Variants in PIGR observed in about 807,000 individuals in gnomAD.
The protein encoded by PIGR is polymeric immunoglobulin receptor, also known as hepatocellular carcinoma associated protein TB6.
PIGR carries 22 observed loss-of-function variants against 69.5 expected under a neutral mutation model. That is an observed-to-expected ratio of 0.32 (90% CI 0.23 to 0.45). The LOEUF (loss-of-function observed/expected upper bound fraction) is 0.45, where lower values mean the gene tolerates loss of function less well. Among genes scored for constraint, PIGR ranks in the 20% least tolerant of loss-of-function variants. The pLI, the probability that PIGR is intolerant of heterozygous loss-of-function variation, is 1.00. For missense variants in PIGR, 885 were observed against 974.0 expected (o/e 0.91, Z 1.22); for synonymous variants, 413 against 407.6 (o/e 1.01, Z -0.16).
At chr1:206,945,546 G>A (rs372633116) in intron 1 of PIGR, among the ~76,000 whole-genome samples, 12 of 152,306 alleles carry the variant, frequency 7.9e-5, no homozygotes, top group Admixed American at 2.6e-4. Context: ...CAGTGATCCC[G>A]TGAGGACCTC....
At chr1:206,932,340 T>C (rs1288280371) in intron 8 of PIGR, 116 bp downstream of exon 8, 1 of 1,226,496 alleles carries the variant, frequency 8.2e-7, no homozygotes, top group Non-Finnish European at 1.1e-6. Flanking sequence ...TTTCTCGGGA[T>C]CCTTTGTTTT....
chr1:206,940,433 G>GGAGTC, intron 2 of PIGR, 56 bp downstream of exon 2: 1 of 1,512,862 alleles, frequency 6.6e-7, no homozygotes, highest in South Asian at 1.2e-5. Flanking sequence ...GGTGAACCCT[G>GGAGTC]GAGTCGGGCA....
rs570872308 is a variant in PIGR at position 206,931,312 on chromosome 1, C to T, written c.2199+185G>A. The T allele has an allele frequency of 2.0e-5, 30 of 1,470,132 alleles. No homozygotes were observed. The African/African-American group carries it at 3.5e-4, about 17-fold the overall frequency. 91.1% of individuals were successfully genotyped at this position (1,470,132 alleles called of 1,614,324 possible). A position where few individuals can be genotyped will look rare whatever the true frequency, so the allele number is the denominator to read the frequency against. ...CCTTCCTGGGCCTTATCCACATCAG[C>T]ATCCCACAACCAGTAAGATATAGTT... On this transcript the variant is annotated intron_variant, in intron 10 of 10. Coordinates refer to ENST00000356495, the MANE Select transcript of PIGR (RefSeq NM_002644.4).
chr1:206,940,470 T>C lies in PIGR; in HGVS notation c.43+19A>G. 1 of 1,551,050 alleles carries C rather than the reference T, an allele frequency of 6.4e-7. No individual in the cohort carries two copies. The highest frequency in any genetic ancestry group is 8.7e-7 in the Non-Finnish European group (1 of 1,146,704). Reference sequence around the variant, plus strand: ...GCTGAAGGGGTGGAGCTTGGAGAGTTGGGGCCTGGCAGACACACCTGGGAA... The same window carrying C: ...GCTGAAGGGGTGGAGCTTGGAGAGTCGGGGCCTGGCAGACACACCTGGGAA... On this transcript the variant is annotated intron_variant, in intron 2 of 10. Transcript: ENST00000356495.
chr1:206,933,495 C>T (rs137931396), intron 6 of PIGR, among the ~76,000 whole-genome samples: 307 of 152,288 alleles, frequency 2.0e-3, no homozygotes, highest in African/African-American at 6.9e-3. Flanking sequence ...TCCTGACTGC[C>T]CAGCTGGGTA....
Position 206,937,534 on chromosome 1 carries a change from C to T in PIGR, c.606G>A (p.Leu202=). ...RLDIQGTGQL[L]FSVVINQLRL... is the part of the protein sequence containing the mutation. ...TGAGTTGGTTGATGACAACGCTGAACAGTAACTGGCCAGTACCCTGAATAT... is the reference window on the plus strand; with the variant it reads ...TGAGTTGGTTGATGACAACGCTGAATAGTAACTGGCCAGTACCCTGAATAT... Residue 202 remains leucine, a synonymous_variant, in exon 4 of 11, where the codon CTG becomes CTA. Coordinates refer to ENST00000356495, the MANE Select transcript of PIGR (RefSeq NM_002644.4). 1.2e-6 allele frequency: 2 copies of T among 1,614,210 alleles called. No individual in the cohort carries two copies. Among genetic ancestry groups the T allele is most frequent in the Non-Finnish European group, 1.7e-6 (2 of 1,180,032 alleles).
At position 206,930,047 on chromosome 1, in the gene PIGR, T is replaced by G. The variant is rs892548914; in HGVS notation, c.*271A>C. The G allele has an allele frequency of 2.8e-6, 1 of 363,176 alleles. No homozygotes were observed. The highest frequency in any genetic ancestry group is 2.1e-5 in the African/African-American group (1 of 47,872). 22.5% of individuals were successfully genotyped at this position (363,176 alleles called of 1,614,324 possible). A position where few individuals can be genotyped will look rare whatever the true frequency, so the allele number is the denominator to read the frequency against. On this transcript the variant is annotated 3_prime_UTR_variant, in exon 11 of 11. Coordinates refer to ENST00000356495, the MANE Select transcript of PIGR (RefSeq NM_002644.4). This position sits in a 1 kb window ranked among gnomAD's most constrained non-coding sequence, Gnocchi z 4.3. ...GGTCCCTCTTCCTTCAAGGGACCCA[T>G]GAGGACCTCTATTCTTCTCCGTACC... is the stretch of plus-strand genomic sequence containing the variant.
At chr1:206,931,582 C>G in intron 9 of PIGR, 27 bp from the exon 10 acceptor site, 1 of 1,613,416 alleles carries the variant, frequency 6.2e-7, no homozygotes, top group Non-Finnish European at 8.5e-7. Context: ...GGTAGGTTAG[C>G]CCTTACTAGC....
Position 206,944,161 on chromosome 1 carries a change from G to A in PIGR, c.-54+2175C>T, listed in dbSNP as rs6656647. Among the ~76,000 whole-genome samples the A allele has an allele frequency of 4.5e-3, 688 of 152,282 alleles. 6 individuals are homozygous for A. The highest frequency in any genetic ancestry group is 0.015 in the African/African-American group (627 of 41,554). On this transcript the variant is annotated intron_variant, in intron 1 of 10. Transcript: ENST00000356495. ...CAGTTCTTTCCTCTCTGCCTTTCAC[G>A]GAAAAGGCAGTTCTTATAAGGAGAC...
chr1:206,932,429 G>A, intron 8 of PIGR, 27 bp downstream of exon 8: 1 of 1,593,792 alleles, frequency 6.3e-7, no homozygotes, highest in Non-Finnish European at 8.5e-7. Flanking sequence ...TTGGAGGTGG[G>A]AGGCAGGGAG....
Position 206,937,288 on chromosome 1 carries a change from G to T in PIGR, c.852C>A (p.Asn284Lys). ...AGGCTGGGGCCCTCTTCCCCAGGGTGTTGACGACCACGTCACAGTTTTCCC... is the reference window on the plus strand; with the variant it reads ...AGGCTGGGGCCCTCTTCCCCAGGGTTTTGACGACCACGTCACAGTTTTCCC... Reference protein sequence around the residue: ...SSGENCDVVVNTLGKRAPAFE... With the variant: ...SSGENCDVVVKTLGKRAPAFE... Residue 284 changes from asparagine to lysine, a missense_variant, in exon 4 of 11, where the codon AAC (asparagine) becomes AAA (lysine). Coordinates refer to ENST00000356495, the MANE Select transcript of PIGR (RefSeq NM_002644.4). 6.2e-7 allele frequency: 1 copy of T among 1,613,500 alleles called. No homozygotes were observed. Among genetic ancestry groups the T allele is most frequent in the African/African-American group, 1.3e-5 (1 of 75,026 alleles).
rs138859150 is a variant in PIGR at position 206,942,591 on chromosome 1, G to A, written c.-53-2007C>T. ...GATAAGCAAGCTGCCTCATATTTGC[G>A]TGAGACAGGAGTGGTCTTCCCACAA... is the stretch of plus-strand genomic sequence containing the variant. On this transcript the variant is annotated intron_variant, in intron 1 of 10. Transcript: ENST00000356495. 1.4e-4 allele frequency among the ~76,000 whole-genome samples: 22 copies of A among 152,296 alleles called. No individual in the cohort carries two copies. The East Asian group carries it at 2.1e-3, about 15-fold the overall frequency.
rs574544005 is a variant in PIGR at position 206,930,698 on chromosome 1, A to T, written c.2200-285T>A. 1.0e-6 allele frequency: 1 copy of T among 985,424 alleles called. No homozygotes were observed. The highest frequency in any genetic ancestry group is 1.2e-6 in the Non-Finnish European group (1 of 829,934). The allele number at this position is 985,424 out of a possible 1,614,324, so 61.0% of individuals were successfully genotyped here. A position where few individuals can be genotyped will look rare whatever the true frequency, so the allele number is the denominator to read the frequency against. ...CCGGGCCTGTCCCCGGAAGCTGCCC[A>T]CACAGTCCACGGGCAAGGTGGCCTA... On this transcript the variant is annotated intron_variant, in intron 10 of 10. Transcript: ENST00000356495. This position sits in a 1 kb window ranked among gnomAD's most constrained non-coding sequence, Gnocchi z 4.3.
At chr1:206,940,402 T>C in intron 2 of PIGR, 87 bp downstream of exon 2, 1 of 1,280,644 alleles carries the variant, frequency 7.8e-7, no homozygotes. Flanking sequence ...GGGATGAGTC[T>C]GATTTTAGTG....
intron 1 of PIGR, among the ~76,000 whole-genome samples, chr1:206,943,676 G>C (rs1233128535): frequency 1.3e-5 from 2 of 152,114 alleles, no homozygotes; most frequent in African/African-American, 4.8e-5. Flanking sequence ...CTAATCTCAG[G>C]TTTCCCTCTT....
intron 3 of PIGR, among the ~76,000 whole-genome samples, chr1:206,938,516 G>A (rs1034762394): frequency 2.0e-5 from 3 of 152,134 alleles, no homozygotes; most frequent in African/African-American, 7.2e-5. Context: ...ATCTAAAACA[G>A]CCTCATTGTT....
rs114239563 is a variant in PIGR, at chr1:206,935,401, G to A, written c.1378+85C>T. 7.8e-3 allele frequency: 9,181 copies of A among 1,173,784 alleles called. 49 individuals are homozygous for A. Among genetic ancestry groups the A allele is most frequent in the Non-Finnish European group, 9.4e-3 (7,652 of 811,422 alleles). The allele number at this position is 1,173,784 out of a possible 1,614,324, so 72.7% of individuals were successfully genotyped here. A position where few individuals can be genotyped will look rare whatever the true frequency, so the allele number is the denominator to read the frequency against. ...AGGTCTGGCCCATCAGGGTGGAGGC[G>A]GGTGAAAAAGGAGGAAGAGTGGTTG... On this transcript the variant is annotated intron_variant, in intron 5 of 10. Coordinates refer to ENST00000356495, the MANE Select transcript of PIGR (RefSeq NM_002644.4). The surrounding 1 kb of genome is among the most constrained non-coding windows in gnomAD (Gnocchi z 4.4).
At position 206,933,160 on chromosome 1, in the gene PIGR, C is replaced by T. The variant is rs752218903; in HGVS notation, c.1712G>A (p.Arg571His). 7.4e-6 allele frequency: 12 copies of T among 1,613,934 alleles called. No individual in the cohort carries two copies. The highest frequency in any genetic ancestry group is 6.7e-5 in the East Asian group (3 of 44,888). ...GTCTGCCTTCGCTAGGCTGACATCG[C>T]GGGACCCTGCAGCAGGGAAGAGTGG... ...AVEERKAAGS[R>H]DVSLAKADAA... The change falls in exon 7 of 11, where the codon CGC becomes CAC. Residue 571 changes from arginine to histidine, a missense_variant. Transcript: ENST00000356495.
rs35311172 is a variant in PIGR, at chr1:206,932,490, C to G, written c.1974G>C (p.Val658=). The change falls in exon 8 of 11, where the codon GTG becomes GTC. Residue 658 remains valine (V), a synonymous_variant. Coordinates refer to ENST00000356495, the MANE Select transcript of PIGR (RefSeq NM_002644.4). The part of the protein sequence containing the change: ...GLVLAVGAVA[V]GVARARHRKN... Reference sequence around the variant, plus strand: ...TCCTGTGCCGGGCTCTGGCCACCCCCACAGCCACGGCTCCCACTGCCAGCA... The same window carrying G: ...TCCTGTGCCGGGCTCTGGCCACCCCGACAGCCACGGCTCCCACTGCCAGCA... 4.1e-3 allele frequency: 6,576 copies of G among 1,613,102 alleles called. 34 individuals are homozygous for G. In the Middle Eastern group the frequency reaches 0.042, roughly 10 times the overall value.
Sources: allele counts gnomAD v4.1 joint callset (sites outside exome capture counted in the v4.1 genomes callset), GRCh38; gene constraint gnomAD v4.1.1; non-coding constraint Gnocchi (gnomAD v3.1); transcripts MANE v1.5; gene names NCBI Gene and HGNC (gene_info 2026-07-23, HGNC 2026-07-21).